Variants in ABAT observed in about 807,000 individuals in gnomAD.
ABAT encodes the protein 4-aminobutyrate aminotransferase, mitochondrial.
Under a neutral mutation model 64.6 loss-of-function variants are expected in ABAT, and 45 were observed. The ratio of observed to expected loss-of-function variants is 0.70; its 90% CI spans 0.55 to 0.89. The LOEUF (loss-of-function observed/expected upper bound fraction) is 0.89. Among genes scored for constraint, ABAT ranks in the 40% least tolerant of loss-of-function variants. The probability of loss-of-function intolerance (pLI) is 0.00; values close to 1 mark genes in which losing one functional copy is unlikely to be tolerated. For synonymous variants in ABAT, 297 were observed against 250.5 expected (o/e 1.19, Z -1.75); for missense variants, 633 against 658.4 (o/e 0.96, Z 0.42).
chr16:8,709,401 TCTCA>T (rs1567278647), intron 1 of ABAT, among the ~76,000 whole-genome samples: 1 of 151,258 alleles, frequency 6.6e-6, no homozygotes, highest in East Asian at 1.9e-4. Flanking sequence ...TGAGATGGAG[TCTCA>T]CTCTGTCGCC....
intron 8 of ABAT, chr16:8,765,961 G>A: frequency 2.2e-6 from 1 of 452,436 alleles, no homozygotes; most frequent in Non-Finnish European, 4.2e-6. Flanking sequence ...GCTCTCAGCA[G>A]ATCTTAATCC....
At chr16:8,729,480 C>T (rs1263022675) in intron 1 of ABAT, among the ~76,000 whole-genome samples, 5 of 152,024 alleles carry the variant, frequency 3.3e-5, no homozygotes, top group Non-Finnish European at 5.9e-5. Context: ...TTACCCTACT[C>T]CTATAGATGT....
chr16:8,716,880 T>C (rs1244440242), intron 1 of ABAT, among the ~76,000 whole-genome samples: 3 of 152,238 alleles, frequency 2.0e-5, no homozygotes, highest in Non-Finnish European at 4.4e-5. Context: ...CATCTGGTCA[T>C]TGAGCATCTG....
chr16:8,768,750 A>G lies in ABAT; in HGVS notation c.668-75A>G, dbSNP rs370181070. 6.8e-5 allele frequency: 109 copies of G among 1,602,194 alleles called. No homozygotes were observed. The African/African-American group carries it at 1.0e-3, about 15-fold the overall frequency. The stretch of plus-strand genomic sequence containing the variant: ...CTGACAGCCTTGCGCTGAAATGTCT[A>G]TCATCTCCTTTACAAAGACGGTACT... On this transcript the variant is annotated intron_variant, in intron 10 of 15. Transcript: ENST00000268251.
chr16:8,776,349 C>T lies in ABAT; in HGVS notation c.1128C>T (p.Tyr376=). The T allele has an allele frequency of 6.2e-7, 1 of 1,614,202 alleles. No individual in the cohort carries two copies. Among genetic ancestry groups the T allele is most frequent in the Non-Finnish European group, 8.5e-7 (1 of 1,180,034 alleles). ...ACACCCGTTCCTCATTCCAGCCCTA[C>T]CGGATCTTCAACACCTGGCTGGGGG... ...HKEEFRPNAP[Y]RIFNTWLGDP... is the part of the protein sequence containing the mutation. Residue 376 remains tyrosine, a synonymous_variant, in exon 14 of 16, where the codon TAC becomes TAT. Transcript: ENST00000268251. This position sits in a 1 kb window ranked among gnomAD's most constrained non-coding sequence, Gnocchi z 4.4.
chr16:8,770,506 ACAGCTCACTGCAGT>A (rs2060076090), intron 11 of ABAT, among the ~76,000 whole-genome samples: 1 of 151,920 alleles, frequency 6.6e-6, no homozygotes, highest in Non-Finnish European at 1.5e-5. Context: ...TGGTGCAATC[ACAGCTCACTGCAGT>A]CTCGACCTCT....
intron 1 of ABAT, among the ~76,000 whole-genome samples, chr16:8,697,410 T>C (rs2057727125): frequency 6.6e-6 from 1 of 152,096 alleles, no homozygotes; most frequent in South Asian, 2.1e-4. Context: ...CTCGATGGGA[T>C]CAGAGAGACC....
chr16:8,721,089 G>T (rs544486594), intron 1 of ABAT, among the ~76,000 whole-genome samples: 1 of 152,310 alleles, frequency 6.6e-6, no homozygotes, highest in Non-Finnish European at 1.5e-5. Context: ...CCATTTTACA[G>T]ATCAGGAAAC....
At chr16:8,722,948 A>G (rs1393534859) in intron 1 of ABAT, 2 of 1,095,654 alleles carry the variant, frequency 1.8e-6, no homozygotes, top group South Asian at 2.6e-5. Flanking sequence ...CTTAGAAACA[A>G]TGTGATCCAG....
Position 8,784,148 on chromosome 16 carries a change from T to C in ABAT, c.*2718T>C, listed in dbSNP as rs2060496602. ...GCTTCCGTGGCCGACAGTCTGGAAA[T>C]GAATCCATCATACATTAGTGCCATA... On this transcript the variant is annotated 3_prime_UTR_variant, in exon 16 of 16. Transcript: ENST00000268251. 1 of 152,666 alleles carries C rather than the reference T, an allele frequency of 6.6e-6. No individual in the cohort carries two copies. The highest frequency in any genetic ancestry group is 1.5e-5 in the Non-Finnish European group (1 of 68,036). 9.5% of individuals were successfully genotyped at this position (152,666 alleles called of 1,614,324 possible). A position where few individuals can be genotyped will look rare whatever the true frequency, so the allele number is the denominator to read the frequency against.
At chr16:8,742,074 G>A (rs187558528) in intron 2 of ABAT, among the ~76,000 whole-genome samples, 273 of 152,278 alleles carry the variant, frequency 1.8e-3, no homozygotes, top group Middle Eastern at 0.01. Flanking sequence ...TACAGTTCTC[G>A]GAACAGACCC....
intron 15 of ABAT, chr16:8,780,282 C>A (rs1475363685): frequency 6.1e-6 from 1 of 165,246 alleles, no homozygotes; most frequent in East Asian, 1.7e-4. Context: ...ATCCTAGGAG[C>A]TGTGGGAAGC....
In ABAT at chr16:8,781,304, T is replaced by G; in HGVS notation, c.1382-5T>G. ...CGCTCCTCACCTACCTCCTGCCTCTTTCAGGTGTGGTGTTGGGTGGCTGTG... is the reference window on the plus strand; with the variant it reads ...CGCTCCTCACCTACCTCCTGCCTCTGTCAGGTGTGGTGTTGGGTGGCTGTG... On this transcript the variant is annotated splice_polypyrimidine_tract_variant and splice_region_variant and intron_variant, in intron 15 of 15. Transcript: ENST00000268251. The surrounding 1 kb of genome is among the most constrained non-coding windows in gnomAD (Gnocchi z 4.5). The G allele has an allele frequency of 6.2e-7, 1 of 1,614,060 alleles. No homozygotes were observed. The highest frequency in any genetic ancestry group is 8.5e-7 in the Non-Finnish European group (1 of 1,179,980).
intron 1 of ABAT, among the ~76,000 whole-genome samples, chr16:8,697,631 T>C (rs2057732380): frequency 7.7e-6 from 1 of 130,456 alleles, no homozygotes. Flanking sequence ...TTGTTTGTTT[T>C]TTGTTTTTTG....
rs2060488033 is a variant in ABAT at position 8,783,693 on chromosome 16, A to C, written c.*2263A>C. 2 of 152,112 alleles carry C rather than the reference A, an allele frequency of 1.3e-5. No individual in the cohort carries two copies. The highest frequency in any genetic ancestry group is 2.9e-5 in the Non-Finnish European group (2 of 68,016). 9.4% of individuals were successfully genotyped at this position (152,112 alleles called of 1,614,324 possible). A position where few individuals can be genotyped will look rare whatever the true frequency, so the allele number is the denominator to read the frequency against. On this transcript the variant is annotated 3_prime_UTR_variant, in exon 16 of 16. Transcript: ENST00000268251. ...GGCTTAAGTATGCTTTCTCCTGAAAACTTTAGCATTGGGTGCAAATATTCA... is the reference window on the plus strand; with the variant it reads ...GGCTTAAGTATGCTTTCTCCTGAAACCTTTAGCATTGGGTGCAAATATTCA...
intron 1 of ABAT, among the ~76,000 whole-genome samples, chr16:8,690,758 C>G (rs2057560387): frequency 6.6e-6 from 1 of 152,190 alleles, no homozygotes; most frequent in African/African-American, 2.4e-5. Context: ...TGCTGGGTTT[C>G]TATAGAATTG....
chr16:8,675,350 C>T (rs1567266133), intron 1 of ABAT, among the ~76,000 whole-genome samples: 1 of 152,002 alleles, frequency 6.6e-6, no homozygotes, highest in Non-Finnish European at 1.5e-5. Flanking sequence ...TGGGGATTTC[C>T]CCTCTCCTCC....
chr16:8,737,995 A>G (rs1263662247), intron 2 of ABAT, among the ~76,000 whole-genome samples: 3 of 112,512 alleles, frequency 2.7e-5, no homozygotes, highest in African/African-American at 3.8e-5. Flanking sequence ...GAAGGAGGAA[A>G]GAAAGAAAGA....
chr16:8,686,354 C>A (rs781390134), intron 1 of ABAT, among the ~76,000 whole-genome samples: 4 of 152,224 alleles, frequency 2.6e-5, no homozygotes, highest in Non-Finnish European at 5.9e-5. Flanking sequence ...AAGAGCCACA[C>A]ACAGAAGAGT....
Sources: gnomAD v4.1 joint callset for allele counts (sites outside exome capture counted in the v4.1 genomes callset) on GRCh38, gnomAD v4.1.1 for gene constraint, Gnocchi (gnomAD v3.1) non-coding constraint, MANE v1.5 for transcripts, NCBI Gene and HGNC (gene_info 2026-07-23, HGNC 2026-07-21) for gene names.